Variants in AACS observed in about 807,000 individuals in gnomAD.
The protein encoded by AACS is acetoacetyl-CoA synthetase.
A neutral mutation model predicts 83.1 loss-of-function variants in AACS; 69 were observed. The ratio of observed to expected loss-of-function variants is 0.83; its 90% CI spans 0.68 to 1.01. The LOEUF (loss-of-function observed/expected upper bound fraction) is 1.01, where lower values mean the gene tolerates loss of function less well. Ranked by LOEUF, AACS falls within the 50% of genes least tolerant of loss-of-function variation. The probability of loss-of-function intolerance (pLI) is 0.00; values close to 1 mark genes in which losing one functional copy is unlikely to be tolerated. For missense variants in AACS, 866 were observed against 882.2 expected, an observed-to-expected ratio of 0.98 and a Z score of 0.23; for synonymous variants, 333 against 343.4, an observed-to-expected ratio of 0.97 and a Z score of 0.33.
At chr12:125,102,546 C>A in intron 5 of AACS, 133 bp from the exon 6 acceptor site, 1 of 756,998 alleles carries the variant, frequency 1.3e-6, no homozygotes, top group Non-Finnish European at 2.3e-6. Flanking sequence ...CTCACTCCAA[C>A]CTTGAACTCC....
intron 10 of AACS, chr12:125,121,248 A>G (rs1478044262): frequency 6.6e-6 from 1 of 152,296 alleles, no homozygotes; most frequent in Non-Finnish European, 1.5e-5. Context: ...CAGGCTTTAA[A>G]CCACTACACT....
rs77143670 is a variant in AACS at position 125,107,686 on chromosome 12, C to T, written c.915+418C>T. Among the ~76,000 whole-genome samples the T allele has an allele frequency of 8.4e-3, 1,274 of 152,290 alleles. 15 individuals are homozygous for T. The highest frequency in any genetic ancestry group is 0.028 in the African/African-American group (1,160 of 41,558). ...TAGATAATATTAGCGCAGTGCCAGACGCAATGGCCCACACCTATAACCCCA... is the reference window on the plus strand; with the variant it reads ...TAGATAATATTAGCGCAGTGCCAGATGCAATGGCCCACACCTATAACCCCA... On this transcript the variant is annotated intron_variant, in intron 8 of 17. Transcript: ENST00000316519.
At chr12:125,098,453 C>CT (rs796960647) in intron 5 of AACS, among the ~76,000 whole-genome samples, 2,291 of 143,468 alleles carry the variant, frequency 0.016, 36 homozygotes, top group African/African-American at 0.045. Context: ...TTCTCATTAC[C>CT]TTTTTTTTTT....
In AACS at chr12:125,094,124, GGT is replaced by G. The variant is rs1159195372; in HGVS notation, c.570+2603_570+2604del. On this transcript the variant is annotated intron_variant, in intron 5 of 17. Transcript: ENST00000316519. The surrounding 1 kb of genome is among the most constrained non-coding windows in gnomAD (Gnocchi z 4.1). ...GATGAATTCCTGGAGTTGCTGATGAGGTGGGGCTGGAACTGAGCCAAGGCTGA... is the reference window on the plus strand; with the variant it reads ...GATGAATTCCTGGAGTTGCTGATGAGGGGGCTGGAACTGAGCCAAGGCTGA... Among the ~76,000 whole-genome samples, 3 of 152,228 alleles carry G rather than the reference GGT, an allele frequency of 2.0e-5. No individual in the cohort carries two copies. The highest frequency in any genetic ancestry group is 7.2e-5 in the African/African-American group (3 of 41,468).
intron 16 of AACS, among the ~76,000 whole-genome samples, 177 bp downstream of exon 16, chr12:125,135,029 C>T (rs1957382306): frequency 6.6e-6 from 1 of 152,180 alleles, no homozygotes; most frequent in Admixed American, 6.5e-5. Context: ...CTGCCATCCT[C>T]ATAAAACCTC....
chr12:125,090,056 C>G (rs1272396636), intron 4 of AACS, among the ~76,000 whole-genome samples: 1 of 25,644 alleles, frequency 3.9e-5, no homozygotes, highest in Non-Finnish European at 9.1e-5. Flanking sequence ...CCCATCCATC[C>G]CTCATCCATC....
chr12:125,128,329 G>A (rs895406912), intron 13 of AACS, 55 bp downstream of exon 13: 66 of 1,495,696 alleles, frequency 4.4e-5, no homozygotes, highest in Non-Finnish European at 5.8e-5. Context: ...TGGGAGTGTG[G>A]GAGCGTTCGG....
At chr12:125,090,757 A>T (rs1956465799) in intron 4 of AACS, among the ~76,000 whole-genome samples, 1 of 152,184 alleles carries the variant, frequency 6.6e-6, no homozygotes, top group African/African-American at 2.4e-5. Flanking sequence ...CAGCCGGCAA[A>T]TATATGAGGA....
intron 5 of AACS, among the ~76,000 whole-genome samples, chr12:125,098,661 A>T (rs1221394856): frequency 6.6e-6 from 1 of 152,188 alleles, no homozygotes; most frequent in Non-Finnish European, 1.5e-5. Context: ...CATGTTGGCC[A>T]GGCTGGTCTT....
At chr12:125,106,821 G>T (rs767688057) in intron 7 of AACS, among the ~76,000 whole-genome samples, 1 of 152,190 alleles carries the variant, frequency 6.6e-6, no homozygotes, top group Non-Finnish European at 1.5e-5. Flanking sequence ...ATCCTTCTCC[G>T]TGGTGGTTAT....
intron 7 of AACS, among the ~76,000 whole-genome samples, chr12:125,103,973 G>A (rs1157809327): frequency 6.8e-5 from 2 of 29,482 alleles, no homozygotes; most frequent in Non-Finnish European, 1.6e-4. Flanking sequence ...GGGCAAAAAA[G>A]CGAAACTCCG....
chr12:125,109,665 T>C (rs951885695), intron 8 of AACS, among the ~76,000 whole-genome samples: 2 of 152,176 alleles, frequency 1.3e-5, no homozygotes, highest in Admixed American at 1.3e-4. Context: ...CCCTCATCTA[T>C]GGTCCACAGT....
At chr12:125,081,568 G>T (rs535311472) in intron 3 of AACS, among the ~76,000 whole-genome samples, 1 of 152,122 alleles carries the variant, frequency 6.6e-6, no homozygotes, top group Admixed American at 6.5e-5. Context: ...TCTCCTATGG[G>T]TAATCCCCGT....
rs566058409 is a variant in AACS, at chr12:125,125,259, C to T, written c.1309+235C>T. On this transcript the variant is annotated intron_variant, in intron 12 of 17. Coordinates refer to ENST00000316519, the MANE Select transcript of AACS (RefSeq NM_023928.5). ...GATTTATGTACACACACACACCTCT[C>T]ACATCGATTATAGTCTTAAAATCCA... Among the ~76,000 whole-genome samples, 8 of 152,380 alleles carry T rather than the reference C, an allele frequency of 5.3e-5. No homozygotes were observed. In the South Asian group the frequency reaches 1.2e-3, roughly 24 times the overall value.
intron 9 of AACS, chr12:125,118,154 C>T (rs549711669): frequency 1.9e-4 from 31 of 162,190 alleles, no homozygotes; most frequent in Non-Finnish European, 3.2e-4. Context: ...TAGGCTGTGG[C>T]GGGCGGGAGG....
chr12:125,081,049 G>A (rs1361428517), intron 3 of AACS, among the ~76,000 whole-genome samples: 1 of 152,002 alleles, frequency 6.6e-6, no homozygotes, highest in Non-Finnish European at 1.5e-5. Flanking sequence ...CTGGAGTGCA[G>A]TGTCGTGATC....
At chr12:125,091,765 T>G (rs1203400868) in intron 5 of AACS, among the ~76,000 whole-genome samples, 1 of 152,146 alleles carries the variant, frequency 6.6e-6, no homozygotes, top group Non-Finnish European at 1.5e-5. Context: ...GCAGGTGGCG[T>G]ATGCAGCACC....
intron 14 of AACS, among the ~76,000 whole-genome samples, chr12:125,132,425 G>A (rs936432297): frequency 5.3e-5 from 8 of 152,182 alleles, no homozygotes; most frequent in African/African-American, 9.6e-5. Context: ...TGCTGGCACC[G>A]AAGTGCCAGA....
intron 5 of AACS, among the ~76,000 whole-genome samples, chr12:125,098,723 G>A (rs1471798719): frequency 2.6e-5 from 4 of 152,192 alleles, no homozygotes; most frequent in African/African-American, 9.7e-5. Flanking sequence ...GGTGTTGGGT[G>A]TACAGGCGTG....
Sources: allele counts gnomAD v4.1 joint callset (sites outside exome capture counted in the v4.1 genomes callset), GRCh38; gene constraint gnomAD v4.1.1; non-coding constraint Gnocchi (gnomAD v3.1); transcripts MANE v1.5; gene names NCBI Gene and HGNC (gene_info 2026-07-23, HGNC 2026-07-21).